The following TTLL5 variants were observed in gnomAD, a reference collection of about 807,000 sequenced individuals.
The protein encoded by TTLL5 is tubulin polyglutamylase TTLL5.
In TTLL5, 132 loss-of-function variants were observed where a neutral mutation model predicts 168.4. The observed-to-expected ratio is 0.78, with a 90% CI of 0.68 to 0.91. TTLL5 has a LOEUF of 0.91. TTLL5 is among the 40% of genes least tolerant of loss of function. The probability of loss-of-function intolerance (pLI) is 0.00; values close to 1 mark genes in which losing one functional copy is unlikely to be tolerated. For synonymous variants in TTLL5, 546 were observed against 558.6 expected (o/e 0.98, Z 0.32); for missense variants, 1,545 against 1,581.5 (o/e 0.98, Z 0.39).
At chr14:75,927,324 A>G (rs1425987903) in intron 31 of TTLL5, among the ~76,000 whole-genome samples, 3 of 152,228 alleles carry the variant, frequency 2.0e-5, no homozygotes, top group Non-Finnish European at 4.4e-5. Context: ...GTGCTATCAA[A>G]TAGTAGGTCT....
intron 29 of TTLL5, among the ~76,000 whole-genome samples, chr14:75,873,276 G>T (rs1029143200): frequency 6.6e-6 from 1 of 151,898 alleles, no homozygotes; most frequent in African/African-American, 2.4e-5. Flanking sequence ...GGGTTTCACC[G>T]TGTTAGCCAG....
intron 29 of TTLL5, among the ~76,000 whole-genome samples, chr14:75,865,543 A>AG (rs1229586055): frequency 6.6e-6 from 1 of 151,870 alleles, no homozygotes; most frequent in Admixed American, 6.6e-5. Context: ...AGAAAAAAAA[A>AG]CTCTCTGGCT....
chr14:75,834,697 T>C (rs1451656435), intron 28 of TTLL5, among the ~76,000 whole-genome samples: 2 of 152,190 alleles, frequency 1.3e-5, no homozygotes, highest in African/African-American at 4.8e-5. Flanking sequence ...AGAACTTTTT[T>C]ATTCTGTAGA....
intron 22 of TTLL5, among the ~76,000 whole-genome samples, chr14:75,776,488 G>A (rs991474605): frequency 6.6e-6 from 1 of 152,196 alleles, no homozygotes; most frequent in Non-Finnish European, 1.5e-5. Flanking sequence ...TCAATGGGCT[G>A]TGTAAGTAGA....
At chr14:75,776,502 T>TA (rs2140318956) in intron 22 of TTLL5, among the ~76,000 whole-genome samples, 1 of 152,332 alleles carries the variant, frequency 6.6e-6, no homozygotes, top group Non-Finnish European at 1.5e-5. Context: ...AAGTAGAAAG[T>TA]AAAAACATGA....
chr14:75,923,694 G>A (rs1467705078), intron 31 of TTLL5, among the ~76,000 whole-genome samples: 1 of 152,178 alleles, frequency 6.6e-6, no homozygotes, highest in Non-Finnish European at 1.5e-5. Context: ...CTGTTGATAT[G>A]GGATGGAGAG....
At chr14:75,662,154 T>C (rs1890774126) in intron 1 of TTLL5, among the ~76,000 whole-genome samples, 1 of 152,184 alleles carries the variant, frequency 6.6e-6, no homozygotes, top group African/African-American at 2.4e-5. Context: ...AAGAATAATT[T>C]TTAAGAGTGG....
intron 27 of TTLL5, among the ~76,000 whole-genome samples, chr14:75,793,530 A>T (rs767816661): frequency 3.3e-5 from 5 of 152,146 alleles, no homozygotes; most frequent in African/African-American, 4.8e-5. Context: ...AGGATGTTTT[A>T]TGGGTAACTG....
At chr14:75,770,767 G>T (rs777435439) in intron 20 of TTLL5, among the ~76,000 whole-genome samples, 2 of 152,178 alleles carry the variant, frequency 1.3e-5, no homozygotes, top group Non-Finnish European at 2.9e-5. Flanking sequence ...AAGACTTGAG[G>T]ATTTCTTTCG....
chr14:75,785,868 A>G (rs1389472481), intron 26 of TTLL5, among the ~76,000 whole-genome samples: 1 of 152,106 alleles, frequency 6.6e-6, no homozygotes, highest in East Asian at 1.9e-4. Context: ...TTGCATTTTC[A>G]TATGAATTTT....
chr14:75,684,549 G>A (rs1341003575), intron 5 of TTLL5: 5 of 152,116 alleles, frequency 3.3e-5, no homozygotes, highest in Non-Finnish European at 5.9e-5. Context: ...ATTTTTTGAT[G>A]TGTAATTAGG....
chr14:75,848,129 G>T (rs772901153), intron 28 of TTLL5, among the ~76,000 whole-genome samples: 5 of 152,066 alleles, frequency 3.3e-5, no homozygotes, highest in Non-Finnish European at 7.4e-5. Context: ...AAGGAAGGGG[G>T]CAGAGGCAGG....
chr14:75,802,347 A>G (rs1015004854), intron 27 of TTLL5, among the ~76,000 whole-genome samples: 1 of 152,288 alleles, frequency 6.6e-6, no homozygotes, highest in Admixed American at 6.5e-5. Flanking sequence ...CTCTCATTAT[A>G]TTACATAAAT....
chr14:75,869,913 G>A (rs747420924), intron 29 of TTLL5, among the ~76,000 whole-genome samples: 2 of 130,754 alleles, frequency 1.5e-5, no homozygotes, highest in Admixed American at 9.6e-5. Context: ...TCTGCCTCCC[G>A]GGTTCAAGCG....
intron 28 of TTLL5, among the ~76,000 whole-genome samples, chr14:75,831,684 C>T (rs756688412): frequency 3.9e-5 from 6 of 152,278 alleles, no homozygotes; most frequent in Middle Eastern, 6.8e-3. Flanking sequence ...TTTTCAGAGA[C>T]GCCAAATCTT....
chr14:75,753,080 G>A, intron 18 of TTLL5, 125 bp downstream of exon 18: 1 of 849,406 alleles, frequency 1.2e-6, no homozygotes, highest in Non-Finnish European at 1.8e-6. Context: ...AAAAAGTCCT[G>A]TAGAAAGCAT....
intron 19 of TTLL5, 36 bp from the exon 20 acceptor site, chr14:75,766,026 C>G (rs547820673): frequency 5.1e-6 from 8 of 1,564,656 alleles, no homozygotes; most frequent in Non-Finnish European, 6.1e-6. Context: ...ACATTTAATC[C>G]TTTTTTCAGC....
chr14:75,783,001 G>A (rs926130001), intron 25 of TTLL5, 146 bp from the exon 26 acceptor site: 1 of 940,072 alleles, frequency 1.1e-6, no homozygotes, highest in African/African-American at 1.7e-5. Context: ...AGTTTATGAT[G>A]AACACTCATT....
At chr14:75,928,203 G>A (rs1037563908) in intron 31 of TTLL5, among the ~76,000 whole-genome samples, 4 of 151,706 alleles carry the variant, frequency 2.6e-5, no homozygotes, top group Non-Finnish European at 4.4e-5. Context: ...GGGTCATTAG[G>A]GAAAGCAGCA....
Sources: gnomAD v4.1 joint callset for allele counts (sites outside exome capture counted in the v4.1 genomes callset) on GRCh38, gnomAD v4.1.1 for gene constraint, MANE v1.5 for transcripts, NCBI Gene and HGNC (gene_info 2026-07-23, HGNC 2026-07-21) for gene names.